CPAMD8: variants seen among roughly 807,000 people sequenced by gnomAD.
CPAMD8 encodes the protein C3 and PZP-like alpha-2-macroglobulin domain-containing protein 8.
CPAMD8 carries 146 observed loss-of-function variants against 224.7 expected under a neutral mutation model. The ratio of observed to expected loss-of-function variants is 0.65; its 90% CI spans 0.57 to 0.75. CPAMD8 has a LOEUF of 0.75. CPAMD8 is among the 30% of genes least tolerant of loss of function. The probability of loss-of-function intolerance (pLI) is 0.00; values close to 1 mark genes in which losing one functional copy is unlikely to be tolerated. For synonymous variants in CPAMD8, 966 were observed against 1,044.6 expected (o/e 0.92, Z 1.45); for missense variants, 2,301 against 2,537.5 (o/e 0.91, Z 2.00).
At position 16,899,943 on chromosome 19, in the gene CPAMD8, A is replaced by C. The variant is rs1599650912; in HGVS notation, c.4774-394T>G. ...TTTTGATTTAAAAAAATCCACACCC[A>C]CTCCAAGGCCTCTGAATTGACCACA... is the stretch of plus-strand genomic sequence containing the variant. On this transcript the variant is annotated intron_variant, in intron 36 of 41. Coordinates refer to ENST00000443236, the MANE Select transcript of CPAMD8 (RefSeq NM_015692.5). This position sits in a 1 kb window ranked among gnomAD's most constrained non-coding sequence, Gnocchi z 5.4. 1.5e-4 allele frequency among the ~76,000 whole-genome samples: 20 copies of C among 135,626 alleles called. No individual in the cohort carries two copies. The highest frequency in any genetic ancestry group is 2.3e-4 in the South Asian group (1 of 4,260). 89.0% of individuals were successfully genotyped at this position (135,626 alleles called of 152,430 possible). A position where few individuals can be genotyped will look rare whatever the true frequency, so the allele number is the denominator to read the frequency against.
At chr19:16,995,388 G>GTTTTTGT (rs898041308) in intron 11 of CPAMD8, among the ~76,000 whole-genome samples, 1 of 152,018 alleles carries the variant, frequency 6.6e-6, no homozygotes, top group South Asian at 2.1e-4. Context: ...CCCCAGGTTT[G>GTTTTTGT]TTTTTGTTTT....
At chr19:16,944,909 T>C (rs62129670) in intron 22 of CPAMD8, among the ~76,000 whole-genome samples, 44,174 of 151,980 alleles carry the variant, frequency 0.29, 7,549 homozygotes, top group African/African-American at 0.47. Flanking sequence ...CGGCACCAAA[T>C]GGAGCCTCAG....
rs1403266420 is a variant in CPAMD8 at position 16,928,208 on chromosome 19, A to G, written c.3171T>C (p.Asn1057=). The G allele has an allele frequency of 6.2e-7, 1 of 1,612,534 alleles. No homozygotes were observed. The highest frequency in any genetic ancestry group is 1.7e-5 in the Admixed American group (1 of 60,018). ...GGGTCCAGGCCACAATGACAGACTCATTGGATGGCTCTGGACCATGGCCAA... is the reference window on the plus strand; with the variant it reads ...GGGTCCAGGCCACAATGACAGACTCGTTGGATGGCTCTGGACCATGGCCAA... ...IQVGHGPEPS[N]ESVIVAWTLP... is the part of the protein sequence containing the mutation. The change falls in exon 25 of 42, where the codon AAT becomes AAC. Residue 1057 remains asparagine, a synonymous_variant. Coordinates refer to ENST00000443236, the MANE Select transcript of CPAMD8 (RefSeq NM_015692.5).
rs2056646334 is a variant in CPAMD8 at position 17,011,461 on chromosome 19, C to T, written c.486+3G>A. The T allele has an allele frequency of 6.2e-7, 1 of 1,614,112 alleles. No individual in the cohort carries two copies. The highest frequency in any genetic ancestry group is 8.5e-7 in the Non-Finnish European group (1 of 1,180,054). ...GGCCCGCGGTTTTAGAAGCTGATCT[C>T]ACCTTCTCGTTGACAGGCCTCAGAT... is the stretch of plus-strand genomic sequence containing the variant. On this transcript the variant is annotated splice_donor_region_variant and intron_variant, in intron 5 of 41. Coordinates refer to ENST00000443236, the MANE Select transcript of CPAMD8 (RefSeq NM_015692.5).
chr19:16,990,191 C>T (rs192874167), intron 12 of CPAMD8, among the ~76,000 whole-genome samples: 1 of 152,060 alleles, frequency 6.6e-6, no homozygotes, highest in East Asian at 1.9e-4. Flanking sequence ...GAGGCAGAGG[C>T]TGCAGTGAGC....
intron 12 of CPAMD8, among the ~76,000 whole-genome samples, chr19:16,991,247 T>C (rs2055939440): frequency 6.6e-6 from 1 of 152,078 alleles, no homozygotes. Flanking sequence ...CCTATGCATC[T>C]CTCTCTTTGG....
At chr19:16,995,363 A>G (rs1221060227) in intron 11 of CPAMD8, among the ~76,000 whole-genome samples, 2 of 152,208 alleles carry the variant, frequency 1.3e-5, no homozygotes, top group Non-Finnish European at 2.9e-5. Context: ...TGCTGCTGCA[A>G]TTGGGGTGAA....
chr19:16,972,580 G>A (rs957574874), intron 17 of CPAMD8, among the ~76,000 whole-genome samples: 12 of 151,978 alleles, frequency 7.9e-5, no homozygotes, highest in African/African-American at 2.7e-4. Flanking sequence ...GACTACTGGC[G>A]CCCGCCACCA....
rs574802553 is a variant in CPAMD8 at position 16,943,034 on chromosome 19, G to A, written c.2793+2515C>T. ...TTCTTTTTTTTTTTTTTGAGACAGG[G>A]TCTGGCTCTCTCACCCAGGCTAGAG... On this transcript the variant is annotated intron_variant, in intron 22 of 41. Transcript: ENST00000443236. Among the ~76,000 whole-genome samples, 38 of 140,628 alleles carry A rather than the reference G, an allele frequency of 2.7e-4. 1 individual carries two copies. The South Asian group carries it at 8.0e-3, about 30-fold the overall frequency. The allele number at this position is 140,628 out of a possible 152,430, so 92.3% of individuals were successfully genotyped here.
At chr19:16,977,319 G>GCC (rs772280237) in intron 15 of CPAMD8, 49 bp downstream of exon 15, 4 of 1,340,162 alleles carry the variant, frequency 3.0e-6, no homozygotes, top group Non-Finnish European at 4.3e-6. Flanking sequence ...CCTTGGAGAA[G>GCC]CCCCGATGGC....
intron 17 of CPAMD8, among the ~76,000 whole-genome samples, chr19:16,971,526 G>A (rs149424743): frequency 8.5e-5 from 13 of 152,218 alleles, no homozygotes; most frequent in Non-Finnish European, 1.6e-4. Context: ...GAGATGAAAC[G>A]CCCAGAACAG....
intron 20 of CPAMD8, among the ~76,000 whole-genome samples, chr19:16,950,562 G>A (rs1027170990): frequency 2.6e-5 from 4 of 152,040 alleles, no homozygotes; most frequent in Admixed American, 1.3e-4. Context: ...GCCGAAGTGG[G>A]AGGGTCACTT....
chr19:16,993,636 C>A (rs2056033385), intron 11 of CPAMD8, 50 bp from the exon 12 acceptor site: 6 of 1,546,208 alleles, frequency 3.9e-6, no homozygotes, highest in Non-Finnish European at 5.3e-6. Context: ...CCATGCTCCC[C>A]AAACTGATCT....
rs1452314526 is a variant in CPAMD8 at position 17,026,648 on chromosome 19, G to A, written c.-6C>T. On this transcript the variant is annotated 5_prime_UTR_variant, in exon 1 of 42. It introduces an in-frame stop codon into an upstream open reading frame of the 5' UTR. Coordinates refer to ENST00000443236, the MANE Select transcript of CPAMD8 (RefSeq NM_015692.5). ...CAGAGCAGGGCGCCGCTCATTTTTC[G>A]GCTCCTGGGGGGCGCCGCGCCTGGG... 4.9e-6 allele frequency: 7 copies of A among 1,419,776 alleles called. No individual in the cohort carries two copies. In the South Asian group the frequency reaches 1.0e-4, roughly 20 times the overall value. 87.9% of individuals were successfully genotyped at this position (1,419,776 alleles called of 1,614,324 possible).
chr19:16,978,578 G>A (rs555837728), intron 14 of CPAMD8, among the ~76,000 whole-genome samples: 14 of 152,246 alleles, frequency 9.2e-5, no homozygotes, highest in Admixed American at 3.3e-4. Flanking sequence ...CAATATCTGC[G>A]GATGTTTTTT....
intron 23 of CPAMD8, among the ~76,000 whole-genome samples, chr19:16,932,885 C>T (rs955712705): frequency 1.1e-4 from 17 of 152,332 alleles, no homozygotes; most frequent in African/African-American, 3.6e-4. Flanking sequence ...GTCTTCTCCA[C>T]AGCACATTAT....
In CPAMD8 at chr19:16,906,386, CTTTCTTTCT is replaced by C. The variant is rs1568459565; in HGVS notation, c.4027+557_4027+565del. On this transcript the variant is annotated intron_variant, in intron 30 of 41. Transcript: ENST00000443236. ...TCTTTCTTTCTTTCTTTCTTTCTTT[CTTTCTTTCT>C]TTCTTTCTTTCTTTCCTTCCTTCCT... 1.3e-3 allele frequency among the ~76,000 whole-genome samples: 98 copies of C among 75,568 alleles called. 2 individuals carry two copies. The highest frequency in any genetic ancestry group is 1.8e-3 in the Admixed American group (10 of 5,574). 49.6% of individuals were successfully genotyped at this position (75,568 alleles called of 152,430 possible).
In CPAMD8 at chr19:16,997,326, G is replaced by A. The variant is rs61744196; in HGVS notation, c.880C>T (p.Arg294Trp). The A allele has an allele frequency of 0.035, 54,694 of 1,563,816 alleles. 1,135 individuals carry two copies. The highest frequency in any genetic ancestry group is 0.042 in the Middle Eastern group (253 of 5,976). The change falls in exon 11 of 42, where the codon CGG (arginine) becomes TGG (tryptophan). Residue 294 changes from arginine to tryptophan, a missense_variant. Physicochemically the swap from Arg to Trp is moderately radical, Grantham distance 101 (BLOSUM62 -3). This residue lies in a region of CPAMD8 where 301 missense variants were observed against 406.6 expected (regional missense o/e 0.74). Coordinates refer to ENST00000443236, the MANE Select transcript of CPAMD8 (RefSeq NM_015692.5). ...TCCCTCACGCAGATGTCGAAGTCCCGGGAGCCGAGGATCTGGAGGGAGGAA... is the reference window on the plus strand; with the variant it reads ...TCCCTCACGCAGATGTCGAAGTCCCAGGAGCCGAGGATCTGGAGGGAGGAA... ...VLRTTKILGS[R>W]DFDICVRDMI...
chr19:16,917,677 G>T (rs1180141835), intron 27 of CPAMD8, among the ~76,000 whole-genome samples: 1 of 152,186 alleles, frequency 6.6e-6, no homozygotes, highest in Admixed American at 6.5e-5. Flanking sequence ...GAAAATCAAG[G>T]CTGCTGTGAG....
Sources: gnomAD v4.1 joint callset for allele counts (sites outside exome capture counted in the v4.1 genomes callset) on GRCh38, gnomAD v4.1.1 for gene constraint, gnomAD v4.1.1 regional missense constraint, Gnocchi (gnomAD v3.1) non-coding constraint, MANE v1.5 for transcripts, NCBI Gene and HGNC (gene_info 2026-07-23, HGNC 2026-07-21) for gene names.